Variants in ATF6 observed in about 807,000 individuals in gnomAD.
ATF6 encodes activating transcription factor 6.
Under a neutral mutation model 83.6 loss-of-function variants are expected in ATF6, and 53 were observed. The observed-to-expected ratio is 0.63, with a 90% confidence interval of 0.51 to 0.80. The LOEUF is 0.80. Among genes scored for constraint, ATF6 ranks in the 30% least tolerant of loss-of-function variants. ATF6 has a pLI of 0.00. For synonymous variants in ATF6, 288 were observed against 285.8 expected (o/e 1.01, Z -0.08); for missense variants, 744 against 797.9 (o/e 0.93, Z 0.81).
intron 9 of ATF6, 50 bp from the exon 10 acceptor site, chr1:161,846,399 T>A (rs1242967731): frequency 1.9e-6 from 3 of 1,564,022 alleles, no homozygotes; most frequent in Non-Finnish European, 1.7e-6. Context: ...AGCAGGCATA[T>A]GTGTGACATA....
chr1:161,818,673 C>T (rs747659051), intron 7 of ATF6, among the ~76,000 whole-genome samples: 11 of 151,970 alleles, frequency 7.2e-5, no homozygotes, highest in Non-Finnish European at 1.3e-4. Context: ...ATAAACAATG[C>T]GAATAAGGAA....
chr1:161,792,294 C>T lies in ATF6; in HGVS notation c.655C>T (p.Pro219Ser), dbSNP rs540833998. ...GCTTATGCCATTGGCAAAGCAGCAACCAATTATCAGTTTACAACCTGCACC... is the reference window on the plus strand; with the variant it reads ...GCTTATGCCATTGGCAAAGCAGCAATCAATTATCAGTTTACAACCTGCACC... ...PTLMPLAKQQ[P>S]IISLQPAPTK... Residue 219 changes from proline to serine, a missense_variant, in exon 6 of 16, where the codon CCA becomes TCA. Physicochemically the swap from Pro to Ser is moderately conservative, Grantham distance 74. Transcript: ENST00000367942. 2.0e-5 allele frequency: 33 copies of T among 1,614,014 alleles called. No individual in the cohort carries two copies. The South Asian group carries it at 2.5e-4, about 12-fold the overall frequency.
chr1:161,778,543 A>G (rs1428890051), intron 2 of ATF6, among the ~76,000 whole-genome samples: 1 of 152,170 alleles, frequency 6.6e-6, no homozygotes, highest in Non-Finnish European at 1.5e-5. Flanking sequence ...CTTTGGCCCT[A>G]GGGATGGGTG....
intron 15 of ATF6, among the ~76,000 whole-genome samples, chr1:161,957,900 G>T (rs958708296): frequency 6.6e-6 from 1 of 152,126 alleles, no homozygotes; most frequent in Admixed American, 6.5e-5. Flanking sequence ...ACTCCTAATG[G>T]CAAACCTTTA....
At chr1:161,855,967 C>G (rs987179027) in intron 12 of ATF6, among the ~76,000 whole-genome samples, 17 of 152,050 alleles carry the variant, frequency 1.1e-4, no homozygotes, top group Non-Finnish European at 2.4e-4. Context: ...TCAGGGTGAT[C>G]CCTATACATG....
chr1:161,959,006 C>A lies in ATF6; in HGVS notation c.*352C>A. 1 of 178,960 alleles carries A rather than the reference C, an allele frequency of 5.6e-6. No individual in the cohort carries two copies. Among genetic ancestry groups the A allele is most frequent in the Non-Finnish European group, 1.2e-5 (1 of 85,132 alleles). The allele number at this position is 178,960 out of a possible 1,614,324, so 11.1% of individuals were successfully genotyped here. A position where few individuals can be genotyped will look rare whatever the true frequency, so the allele number is the denominator to read the frequency against. ...GTCATCTTCTTTTAAATAATATCCA[C>A]CTCTCCTTTTTGCCATTTCACTTAT... On this transcript the variant is annotated 3_prime_UTR_variant, in exon 16 of 16. Transcript: ENST00000367942.
At chr1:161,833,619 C>T (rs1046229407) in intron 9 of ATF6, among the ~76,000 whole-genome samples, 2 of 152,150 alleles carry the variant, frequency 1.3e-5, no homozygotes, top group Non-Finnish European at 2.9e-5. Flanking sequence ...GCACAAGCCT[C>T]AGTAACCAAT....
chr1:161,798,997 T>C (rs1035112255), intron 6 of ATF6, among the ~76,000 whole-genome samples: 1 of 152,198 alleles, frequency 6.6e-6, no homozygotes, highest in Non-Finnish European at 1.5e-5. Flanking sequence ...ACATTGCTGG[T>C]GGGAATGTAA....
At chr1:161,809,037 G>A (rs1233323849) in intron 7 of ATF6, among the ~76,000 whole-genome samples, 2 of 152,016 alleles carry the variant, frequency 1.3e-5, no homozygotes, top group African/African-American at 4.8e-5. Flanking sequence ...ATATCTATGG[G>A]AGAAATTTTA....
intron 15 of ATF6, among the ~76,000 whole-genome samples, chr1:161,940,970 C>G (rs1466290690): frequency 6.6e-6 from 1 of 152,156 alleles, no homozygotes; most frequent in Non-Finnish European, 1.5e-5. Context: ...CTGGATGATA[C>G]CAGTTTACAT....
At chr1:161,878,841 ATAAAAGT>A (rs1157630183) in intron 14 of ATF6, among the ~76,000 whole-genome samples, 5 of 152,208 alleles carry the variant, frequency 3.3e-5, no homozygotes, top group Admixed American at 3.3e-4. Context: ...GACATGAAAC[ATAAAAGT>A]TAAAGATGGA....
rs1368561625 is a variant in ATF6, at chr1:161,961,490, C to A, written c.*2836C>A. On this transcript the variant is annotated 3_prime_UTR_variant, in exon 16 of 16. Transcript: ENST00000367942. ...ATTGCTGGCAAAGCTATAATTAATC[C>A]CTAGGCACAATTGTAGTTTTTATTT... is the stretch of plus-strand genomic sequence containing the variant. The A allele has an allele frequency of 1.3e-5, 2 of 152,012 alleles. No individual in the cohort carries two copies. Among genetic ancestry groups the A allele is most frequent in the Non-Finnish European group, 2.9e-5 (2 of 68,022 alleles). The allele number at this position is 152,012 out of a possible 1,614,324, so 9.4% of individuals were successfully genotyped here. A position where few individuals can be genotyped will look rare whatever the true frequency, so the allele number is the denominator to read the frequency against.
rs1251392208 is a variant in ATF6, at chr1:161,958,701, T to A, written c.*47T>A. 6.6e-7 allele frequency: 1 copy of A among 1,506,270 alleles called. No homozygotes were observed. The highest frequency in any genetic ancestry group is 2.3e-5 in the East Asian group (1 of 43,284). The allele number at this position is 1,506,270 out of a possible 1,614,324, so 93.3% of individuals were successfully genotyped here. A position where few individuals can be genotyped will look rare whatever the true frequency, so the allele number is the denominator to read the frequency against. The stretch of plus-strand genomic sequence containing the variant: ...AACTGAGCGTGGGACCCTGCCAGAC[T>A]GAAGAGCAGGTGAGCAAAATGCTGC... On this transcript the variant is annotated 3_prime_UTR_variant, in exon 16 of 16. Coordinates refer to ENST00000367942, the MANE Select transcript of ATF6 (RefSeq NM_007348.4).
chr1:161,905,373 A>G (rs1687860278), intron 14 of ATF6, among the ~76,000 whole-genome samples: 2 of 152,102 alleles, frequency 1.3e-5, no homozygotes, highest in Non-Finnish European at 2.9e-5. Context: ...ATCTATGTTT[A>G]GCTTTTTGCT....
intron 14 of ATF6, among the ~76,000 whole-genome samples, chr1:161,878,538 A>AAGG (rs1240688437): frequency 6.6e-6 from 1 of 151,946 alleles, no homozygotes; most frequent in African/African-American, 2.4e-5. Flanking sequence ...GAGAGCAGCA[A>AAGG]AGGACGGTTC....
chr1:161,819,579 A>G, intron 7 of ATF6, 54 bp from the exon 8 acceptor site: 4 of 1,397,636 alleles, frequency 2.9e-6, no homozygotes, highest in East Asian at 2.5e-5. Context: ...ATTCTGATCT[A>G]TTTTGATCTG....
At chr1:161,798,845 A>C (rs935281666) in intron 6 of ATF6, among the ~76,000 whole-genome samples, 3 of 152,234 alleles carry the variant, frequency 2.0e-5, no homozygotes, top group African/African-American at 7.2e-5. Context: ...CATATGAAAA[A>C]ATGCTCAACA....
chr1:161,840,977 C>T (rs984856885), intron 9 of ATF6, among the ~76,000 whole-genome samples: 2 of 152,130 alleles, frequency 1.3e-5, no homozygotes, highest in African/African-American at 4.8e-5. Flanking sequence ...ATATTATGAA[C>T]TAGAAACAGT....
At chr1:161,902,020 C>T (rs966027707) in intron 14 of ATF6, among the ~76,000 whole-genome samples, 1 of 152,128 alleles carries the variant, frequency 6.6e-6, no homozygotes, top group African/African-American at 2.4e-5. Flanking sequence ...TCAAGAAGGT[C>T]ATACTCATGG....
Sources: allele counts gnomAD v4.1 joint callset (sites outside exome capture counted in the v4.1 genomes callset), GRCh38; gene constraint gnomAD v4.1.1; transcripts MANE v1.5; gene names NCBI Gene and HGNC (gene_info 2026-07-23, HGNC 2026-07-21).